Variants in MAMLD1 observed in about 807,000 individuals in gnomAD.
MAMLD1 encodes mastermind like domain containing 1.
MAMLD1 carries 14 observed loss-of-function variants against 45.0 expected under a neutral mutation model. The ratio of observed to expected loss-of-function variants is 0.31; its 90% CI spans 0.21 to 0.49. MAMLD1 has a LOEUF of 0.49. Among genes scored for constraint, MAMLD1 ranks in the 20% least tolerant of loss-of-function variants. The pLI, the probability that MAMLD1 is intolerant of heterozygous loss-of-function variation, is 0.99. For missense variants in MAMLD1, 543 were observed against 603.6 expected (o/e 0.90, Z 1.05); for synonymous variants, 254 against 247.8 (o/e 1.02, Z -0.24).
chrX:150,477,391 G>T (rs782176134), intron 5 of MAMLD1, among the ~76,000 whole-genome samples: 1 of 112,190 alleles, frequency 8.9e-6, no homozygotes, highest in Non-Finnish European at 1.9e-5. Context: ...AGTCAGCCTC[G>T]GCTCAGCATC....
chrX:150,372,524 C>T (rs940935102), intron 1 of MAMLD1, among the ~76,000 whole-genome samples: 1 of 112,169 alleles, frequency 8.9e-6, no homozygotes, highest in Non-Finnish European at 1.9e-5. Flanking sequence ...TGCTAGGCTT[C>T]GGGAGGAGGG....
intron 1 of MAMLD1, among the ~76,000 whole-genome samples, chrX:150,442,797 C>G (rs2035359205): frequency 9.0e-6 from 1 of 111,457 alleles, no homozygotes; most frequent in Admixed American, 9.5e-5. Context: ...CATTTCCTTT[C>G]TGCTTAGAGA....
Position 150,363,362 on chromosome X carries a change from G to A in MAMLD1, c.-232G>A, listed in dbSNP as rs781829419. On this transcript the variant is annotated 5_prime_UTR_variant, in exon 1 of 8. Coordinates refer to ENST00000370401, the MANE Select transcript of MAMLD1 (RefSeq NM_005491.5). ...GCGCCGCCAGCATGAACTTGGCCGC[G>A]AGCTGAAGCGGCCGGCGGCGGGCGG... 1.8e-5 allele frequency: 2 copies of A among 112,324 alleles called. No homozygotes were observed. The highest frequency in any genetic ancestry group is 3.2e-5 in the African/African-American group (1 of 30,981). The allele number at this position is 112,324 out of a possible 1,213,427, so 9.3% of individuals were successfully genotyped here.
intron 1 of MAMLD1, among the ~76,000 whole-genome samples, chrX:150,367,082 GA>G (rs2031522164): frequency 9.9e-6 from 1 of 100,740 alleles, no homozygotes; most frequent in Admixed American, 1.1e-4. Context: ...GGGTGGGGAA[GA>G]GTTTGGCGTT....
At chrX:150,361,809 T>A (rs1401909129), upstream of MAMLD1, 1 of 112,601 alleles carries the variant, frequency 8.9e-6, no homozygotes, top group African/African-American at 3.2e-5. Flanking sequence ...GGGCAGATGG[T>A]GGACAGGGCG....
At chrX:150,392,426 C>T (rs2033222164) in intron 1 of MAMLD1, among the ~76,000 whole-genome samples, 1 of 110,793 alleles carries the variant, frequency 9.0e-6, no homozygotes, top group Non-Finnish European at 1.9e-5. Flanking sequence ...GCTGATTTAG[C>T]CCCATCTCGT....
intron 1 of MAMLD1, among the ~76,000 whole-genome samples, chrX:150,436,880 G>A (rs782777214): frequency 1.8e-5 from 2 of 110,673 alleles, no homozygotes; most frequent in Admixed American, 9.6e-5. Context: ...AGTCTTTGAA[G>A]TTGCATTCCT....
intron 1 of MAMLD1, among the ~76,000 whole-genome samples, chrX:150,438,397 A>G (rs1569564787): frequency 8.9e-6 from 1 of 112,466 alleles, no homozygotes; most frequent in Non-Finnish European, 1.9e-5. Context: ...TTCACATAAC[A>G]ATCTGTGATA....
intron 2 of MAMLD1, among the ~76,000 whole-genome samples, chrX:150,455,033 A>G (rs1249284318): frequency 2.9e-5 from 3 of 101,992 alleles, no homozygotes; most frequent in African/African-American, 1.1e-4. Flanking sequence ...TGGTTATATG[A>G]CACTTCATGA....
At chrX:150,375,264 T>C (rs2032252685) in intron 1 of MAMLD1, among the ~76,000 whole-genome samples, 3 of 111,867 alleles carry the variant, frequency 2.7e-5, no homozygotes, top group African/African-American at 9.8e-5. Context: ...CCTGTGCACC[T>C]TCCAAGTTCT....
chrX:150,480,638 C>T (rs1039427109), intron 5 of MAMLD1, among the ~76,000 whole-genome samples: 6 of 112,212 alleles, frequency 5.3e-5, no homozygotes, highest in Non-Finnish European at 1.1e-4. Context: ...TCATCCATTT[C>T]TTCGATGTTT....
At chrX:150,394,915 G>A (rs1186946350) in intron 1 of MAMLD1, among the ~76,000 whole-genome samples, 1 of 111,457 alleles carries the variant, frequency 9.0e-6, no homozygotes, top group African/African-American at 3.3e-5. Flanking sequence ...CCCAATGGGT[G>A]TACCTTTTGT....
chrX:150,473,070 C>T (rs782063605), intron 4 of MAMLD1, among the ~76,000 whole-genome samples: 2 of 112,882 alleles, frequency 1.8e-5, no homozygotes, highest in South Asian at 3.6e-4. Flanking sequence ...GCTGGCCCCA[C>T]CAGCCTCCTG....
chrX:150,504,090 A>G lies in MAMLD1; in HGVS notation c.2284+573A>G, dbSNP rs2037651809. 4 of 751,395 alleles carry G rather than the reference A, an allele frequency of 5.3e-6. No homozygotes were observed. The South Asian group carries it at 2.7e-4, about 51-fold the overall frequency. 61.9% of individuals were successfully genotyped at this position (751,395 alleles called of 1,213,427 possible). A position where few individuals can be genotyped will look rare whatever the true frequency, so the allele number is the denominator to read the frequency against. On this transcript the variant is annotated intron_variant, in intron 6 of 7. Transcript: ENST00000370401. ...GGAGGACTGGCAGTCTGGGTAGTACAGGCAGAAGGAATCCAAAGCAAGCTT... is the reference window on the plus strand; with the variant it reads ...GGAGGACTGGCAGTCTGGGTAGTACGGGCAGAAGGAATCCAAAGCAAGCTT...
At chrX:150,449,752 G>T (rs782441529) in intron 2 of MAMLD1, among the ~76,000 whole-genome samples, 1 of 110,232 alleles carries the variant, frequency 9.1e-6, no homozygotes, top group Non-Finnish European at 1.9e-5. Context: ...CCCTGTGCTC[G>T]ATCTTGAGCC....
chrX:150,449,738 C>A (rs1285848946), intron 2 of MAMLD1, among the ~76,000 whole-genome samples: 2 of 110,841 alleles, frequency 1.8e-5, no homozygotes, highest in African/African-American at 6.6e-5. Context: ...TTCTGTGTGC[C>A]TGGCCCTGTG....
At chrX:150,366,344 G>A (rs782357020) in intron 1 of MAMLD1, among the ~76,000 whole-genome samples, 1 of 111,872 alleles carries the variant, frequency 8.9e-6, no homozygotes, top group African/African-American at 3.3e-5. Flanking sequence ...CCCTCAACGC[G>A]CATACACACA....
At chrX:150,478,005 A>G (rs782592796) in intron 5 of MAMLD1, among the ~76,000 whole-genome samples, 1 of 111,823 alleles carries the variant, frequency 8.9e-6, no homozygotes, top group Non-Finnish European at 1.9e-5. Flanking sequence ...CTTCTGCACC[A>G]CTGACTCTCA....
intron 1 of MAMLD1, among the ~76,000 whole-genome samples, chrX:150,410,578 G>A (rs2034101088): frequency 8.9e-6 from 1 of 112,302 alleles, no homozygotes; most frequent in Non-Finnish European, 1.9e-5. Context: ...GGACTGGAAT[G>A]GAGGCTTGGA....
Sources: gnomAD v4.1 joint callset for allele counts (sites outside exome capture counted in the v4.1 genomes callset) on GRCh38, gnomAD v4.1.1 for gene constraint, MANE v1.5 for transcripts, NCBI Gene and HGNC (gene_info 2026-07-23, HGNC 2026-07-21) for gene names.